Variants in CACNA2D3 observed in about 807,000 individuals in gnomAD.
CACNA2D3 encodes the protein voltage-dependent calcium channel subunit alpha-2/delta-3.
A neutral mutation model predicts 160.6 loss-of-function variants in CACNA2D3; 60 were observed. The ratio of observed to expected loss-of-function variants is 0.37; its 90% confidence interval spans 0.30 to 0.46. The LOEUF is 0.46. Among genes scored for constraint, CACNA2D3 ranks in the 20% least tolerant of loss-of-function variants. The pLI is 1.00. For synonymous variants in CACNA2D3, 558 were observed against 492.9 expected, an observed-to-expected ratio of 1.13 and a Z score of -1.75; for missense variants, 1,205 against 1,365.0, an observed-to-expected ratio of 0.88 and a Z score of 1.85.
chr3:54,266,908 G>C (rs958638223), intron 2 of CACNA2D3, among the ~76,000 whole-genome samples: 1 of 152,090 alleles, frequency 6.6e-6, no homozygotes. Context: ...GCATGGAGGG[G>C]ACAGTGGCTT....
chr3:54,346,945 A>G (rs187830455), intron 3 of CACNA2D3, among the ~76,000 whole-genome samples: 29 of 152,368 alleles, frequency 1.9e-4, no homozygotes, highest in Admixed American at 1.9e-3. Flanking sequence ...ACCATATTCA[A>G]TTTTTGAGTA....
At chr3:54,769,130 C>T (rs535285983) in intron 13 of CACNA2D3, among the ~76,000 whole-genome samples, 1 of 152,062 alleles carries the variant, frequency 6.6e-6, no homozygotes, top group Non-Finnish European at 1.5e-5. Flanking sequence ...ATCATTTATA[C>T]GGGGTCAAAA....
intron 27 of CACNA2D3, among the ~76,000 whole-genome samples, chr3:54,945,779 G>A (rs1221284980): frequency 2.0e-5 from 3 of 152,188 alleles, no homozygotes; most frequent in Non-Finnish European, 2.9e-5. Context: ...GCCATTGTAT[G>A]TTGGGAATCA....
chr3:54,811,568 GCTCA>G (rs1193709109), intron 13 of CACNA2D3, among the ~76,000 whole-genome samples: 1 of 142,234 alleles, frequency 7.0e-6, no homozygotes, highest in African/African-American at 2.6e-5. Flanking sequence ...TGTGATGTTA[GCTCA>G]CTGCAACCTC....
At chr3:54,759,229 A>G (rs532399236) in intron 12 of CACNA2D3, among the ~76,000 whole-genome samples, 1 of 152,320 alleles carries the variant, frequency 6.6e-6, no homozygotes, top group South Asian at 2.1e-4. Context: ...TAATTACCGA[A>G]TCATTGCTGA....
intron 10 of CACNA2D3, among the ~76,000 whole-genome samples, chr3:54,628,372 A>G (rs1162251579): frequency 6.6e-6 from 1 of 152,232 alleles, no homozygotes; most frequent in African/African-American, 2.4e-5. Context: ...AAACCAGAGC[A>G]CAGTGGGGAA....
At chr3:54,407,240 T>C (rs561058426) in intron 4 of CACNA2D3, among the ~76,000 whole-genome samples, 2 of 152,270 alleles carry the variant, frequency 1.3e-5, no homozygotes, top group Non-Finnish European at 2.9e-5. Flanking sequence ...AGAATCAGAA[T>C]TGGTGTTTTT....
intron 9 of CACNA2D3, among the ~76,000 whole-genome samples, chr3:54,621,700 G>A (rs1206868556): frequency 1.3e-5 from 2 of 152,150 alleles, no homozygotes; most frequent in Non-Finnish European, 2.9e-5. Flanking sequence ...TGCCCTTGAG[G>A]CACTCGGGTC....
chr3:54,972,072 C>T (rs1042092901), intron 29 of CACNA2D3, among the ~76,000 whole-genome samples: 5 of 152,192 alleles, frequency 3.3e-5, no homozygotes, highest in African/African-American at 1.2e-4. Context: ...TTTGAAACCT[C>T]AGACAGCAAT....
At chr3:54,827,424 C>A (rs1013201255) in intron 14 of CACNA2D3, among the ~76,000 whole-genome samples, 1 of 152,226 alleles carries the variant, frequency 6.6e-6, no homozygotes, top group African/African-American at 2.4e-5. Flanking sequence ...AATGACTCAG[C>A]AAGTTTGAGT....
intron 2 of CACNA2D3, among the ~76,000 whole-genome samples, chr3:54,251,749 A>G (rs1575345181): frequency 6.6e-6 from 1 of 152,212 alleles, no homozygotes; most frequent in African/African-American, 2.4e-5. Context: ...AAATGTTGTT[A>G]CCTTGGAACA....
intron 1 of CACNA2D3, among the ~76,000 whole-genome samples, chr3:54,123,279 G>C (rs1261913722): frequency 6.6e-6 from 1 of 150,964 alleles, no homozygotes; most frequent in Non-Finnish European, 1.5e-5. Context: ...GAGAGCCTGG[G>C]AGACTTTGCG....
At chr3:54,946,129 A>T (rs186837711) in intron 27 of CACNA2D3, among the ~76,000 whole-genome samples, 57 of 151,916 alleles carry the variant, frequency 3.8e-4, no homozygotes, top group South Asian at 8.3e-4. Context: ...GTCCTGAAAG[A>T]CTCTCAGTTC....
chr3:54,416,658 A>G lies in CACNA2D3; in HGVS notation c.381+29884A>G, dbSNP rs528934921. On this transcript the variant is annotated intron_variant, in intron 4 of 37. Transcript: ENST00000474759. ...CCGTAAAATTCAAACACATTTTCAT[A>G]TACTGACAGGAGACCATTAGTGAAA... Among the ~76,000 whole-genome samples, 266 of 152,316 alleles carry G rather than the reference A, an allele frequency of 1.7e-3. 1 individual carries two copies. Among genetic ancestry groups the G allele is most frequent in the African/African-American group, 6.1e-3 (252 of 41,564 alleles).
At chr3:55,031,214 GTTGT>G (rs1188021844) in intron 35 of CACNA2D3, among the ~76,000 whole-genome samples, 1 of 152,184 alleles carries the variant, frequency 6.6e-6, no homozygotes, top group Non-Finnish European at 1.5e-5. Flanking sequence ...CATCCTGGTG[GTTGT>G]TTGTGCTGTG....
intron 4 of CACNA2D3, among the ~76,000 whole-genome samples, chr3:54,436,845 A>G (rs1700067397): frequency 6.6e-6 from 1 of 152,152 alleles, no homozygotes; most frequent in Non-Finnish European, 1.5e-5. Flanking sequence ...CTTAAAACCT[A>G]GATGACGGGT....
At chr3:54,465,352 C>T (rs1018386974) in intron 4 of CACNA2D3, among the ~76,000 whole-genome samples, 11 of 152,284 alleles carry the variant, frequency 7.2e-5, no homozygotes, top group African/African-American at 2.4e-4. Flanking sequence ...CAAACAAGCA[C>T]ATTCACATTA....
At chr3:54,358,435 T>C (rs1698685399) in intron 3 of CACNA2D3, among the ~76,000 whole-genome samples, 1 of 152,232 alleles carries the variant, frequency 6.6e-6, no homozygotes, top group South Asian at 2.1e-4. Context: ...GCATTAACAT[T>C]CAGCATTCAA....
At chr3:54,594,999 A>AGG in intron 9 of CACNA2D3, among the ~76,000 whole-genome samples, 1 of 152,324 alleles carries the variant, frequency 6.6e-6, no homozygotes, top group Non-Finnish European at 1.5e-5. Flanking sequence ...CCTTTCCGGC[A>AGG]TGGTTCAACC....
Sources: gnomAD v4.1 joint callset for allele counts (sites outside exome capture counted in the v4.1 genomes callset) on GRCh38, gnomAD v4.1.1 for gene constraint, MANE v1.5 for transcripts, NCBI Gene and HGNC (gene_info 2026-07-23, HGNC 2026-07-21) for gene names.